The following KCNIP4 variants were observed in gnomAD, a reference collection of about 807,000 sequenced individuals.
The protein encoded by KCNIP4 is potassium voltage-gated channel interacting protein 4.
In KCNIP4, 12 loss-of-function variants were observed where a neutral mutation model predicts 34.0. The observed-to-expected ratio is 0.35, with a 90% CI of 0.23 to 0.57. The LOEUF (loss-of-function observed/expected upper bound fraction) is 0.57. Ranked by LOEUF, KCNIP4 falls within the 20% of genes least tolerant of loss-of-function variation. The pLI is 0.83. For missense variants in KCNIP4, 238 were observed against 311.7 expected (o/e 0.76, Z 1.78); for synonymous variants, 124 against 102.2 (o/e 1.21, Z -1.29).
chr4:21,026,727 T>A (rs1740587473), intron 1 of KCNIP4, among the ~76,000 whole-genome samples: 1 of 152,206 alleles, frequency 6.6e-6, no homozygotes, highest in Admixed American at 6.5e-5. Flanking sequence ...CTTTTTAGAA[T>A]CTGATTGGGA....
intron 1 of KCNIP4, among the ~76,000 whole-genome samples, chr4:21,178,046 CT>C (rs1754554724): frequency 1.3e-5 from 2 of 152,028 alleles, no homozygotes; most frequent in Admixed American, 1.3e-4. Flanking sequence ...TCAAAAACAT[CT>C]TTTTACTATT....
In KCNIP4 at chr4:21,398,808, C is replaced by A. The variant is rs899214154; in HGVS notation, c.62-516099G>T. Reference sequence around the variant, plus strand: ...TCTCTCGTAATCTCCTTCTTGCTATCATTCATAGCGCTAGAGAATTTTAGA... The same window carrying A: ...TCTCTCGTAATCTCCTTCTTGCTATAATTCATAGCGCTAGAGAATTTTAGA... On this transcript the variant is annotated intron_variant, in intron 1 of 8. Transcript: ENST00000382152. 3.3e-5 allele frequency among the ~76,000 whole-genome samples: 5 copies of A among 152,164 alleles called. No individual in the cohort carries two copies. The South Asian group carries it at 1.0e-3, about 32-fold the overall frequency.
intron 1 of KCNIP4, among the ~76,000 whole-genome samples, chr4:21,501,248 T>TCACACA (rs34406802): frequency 7.7e-5 from 8 of 104,188 alleles, no homozygotes; most frequent in Non-Finnish European, 1.5e-4. Context: ...TCTCTCTCTC[T>TCACACA]CACACACACA....
intron 1 of KCNIP4, among the ~76,000 whole-genome samples, chr4:21,346,828 A>C (rs1342996740): frequency 6.6e-6 from 1 of 152,158 alleles, no homozygotes; most frequent in Non-Finnish European, 1.5e-5. Flanking sequence ...TTAAGAGAGC[A>C]ACTGTAGATT....
chr4:21,486,453 G>A (rs900732448), intron 1 of KCNIP4, among the ~76,000 whole-genome samples: 3 of 152,098 alleles, frequency 2.0e-5, no homozygotes, highest in African/African-American at 7.2e-5. Flanking sequence ...TGGTTTTGGT[G>A]TATTATCTAT....
At chr4:21,521,377 C>A (rs1735510519) in intron 1 of KCNIP4, among the ~76,000 whole-genome samples, 1 of 152,126 alleles carries the variant, frequency 6.6e-6, no homozygotes, top group Non-Finnish European at 1.5e-5. Context: ...GAATTCATGA[C>A]ATAAACTTCA....
chr4:21,449,506 A>T (rs1728330059), intron 1 of KCNIP4, among the ~76,000 whole-genome samples: 3 of 152,038 alleles, frequency 2.0e-5, no homozygotes, highest in African/African-American at 7.3e-5. Flanking sequence ...AAACTAATGC[A>T]GTGAGAAGCA....
At chr4:20,787,254 A>T (rs983230854) in intron 3 of KCNIP4, among the ~76,000 whole-genome samples, 4 of 152,134 alleles carry the variant, frequency 2.6e-5, no homozygotes, top group African/African-American at 9.7e-5. Context: ...TACATCTATA[A>T]ATTCCCTTTC....
intron 1 of KCNIP4, among the ~76,000 whole-genome samples, chr4:21,155,195 C>G (rs1204631521): frequency 1.3e-5 from 2 of 152,076 alleles, no homozygotes; most frequent in East Asian, 3.9e-4. Context: ...TTTTGCGTAC[C>G]TCCAGACTTC....
chr4:20,844,092 T>C (rs1314466491), intron 3 of KCNIP4, among the ~76,000 whole-genome samples: 2 of 152,218 alleles, frequency 1.3e-5, no homozygotes, highest in Non-Finnish European at 2.9e-5. Context: ...TGGATATTAA[T>C]ATCCTAAATT....
intron 1 of KCNIP4, among the ~76,000 whole-genome samples, chr4:21,227,206 T>C (rs536402201): frequency 2.6e-5 from 4 of 152,342 alleles, no homozygotes; most frequent in South Asian, 2.1e-4. Context: ...TTGGTAATCA[T>C]CTGTCTTTCT....
rs1221997723 is a variant in KCNIP4, at chr4:21,589,264, A to ATATACATATATGTATC, written c.61+359306_61+359307insGATACATATATGTATA. Among the ~76,000 whole-genome samples the ATATACATATATGTATC allele has an allele frequency of 8.4e-5, 11 of 130,380 alleles. No individual in the cohort carries two copies. The South Asian group carries it at 1.5e-3, about 18-fold the overall frequency. 85.5% of individuals were successfully genotyped at this position (130,380 alleles called of 152,430 possible). On this transcript the variant is annotated intron_variant, in intron 1 of 8. Transcript: ENST00000382152. ...CATATATACATATATGTATCTATACAGATACATATATGTATAGATACATAT... is the reference window on the plus strand; with the variant it reads ...CATATATACATATATGTATCTATACATATACATATATGTATCGATACATATATGTATAGATACATAT...
intron 1 of KCNIP4, among the ~76,000 whole-genome samples, chr4:21,770,796 T>G (rs896779785): frequency 1.3e-4 from 20 of 152,184 alleles, no homozygotes; most frequent in African/African-American, 4.6e-4. Flanking sequence ...TGGGGTTGTT[T>G]TTTTCCTTGT....
At chr4:20,861,213 G>A (rs192323378) in intron 2 of KCNIP4, among the ~76,000 whole-genome samples, 1 of 152,190 alleles carries the variant, frequency 6.6e-6, no homozygotes, top group East Asian at 1.9e-4. Flanking sequence ...TTTAAACTGG[G>A]GCCAGGCCCT....
intron 1 of KCNIP4, among the ~76,000 whole-genome samples, chr4:21,491,128 A>C (rs1233071404): frequency 6.6e-6 from 1 of 152,162 alleles, no homozygotes; most frequent in Non-Finnish European, 1.5e-5. Flanking sequence ...TTGGCCAGCT[A>C]GTGACCAATC....
intron 1 of KCNIP4, among the ~76,000 whole-genome samples, chr4:21,819,067 T>C (rs138193182): frequency 2.6e-5 from 4 of 152,328 alleles, no homozygotes; most frequent in African/African-American, 9.6e-5. Flanking sequence ...CACTCAGATT[T>C]CTAAATTTCT....
chr4:21,388,984 TTG>T (rs1722286066), intron 1 of KCNIP4, among the ~76,000 whole-genome samples: 1 of 59,088 alleles, frequency 1.7e-5, no homozygotes, highest in Admixed American at 1.5e-4. Flanking sequence ...ATATATTGTC[TTG>T]TTTTTTTTTT....
rs189352762 is a variant in KCNIP4, at chr4:21,689,368, C to T, written c.61+259203G>A. 4.1e-3 allele frequency among the ~76,000 whole-genome samples: 623 copies of T among 152,128 alleles called. 2 individuals are homozygous for T. Among genetic ancestry groups the T allele is most frequent in the Middle Eastern group, 0.017 (5 of 294 alleles). ...CAGTAATAGCGACAAATTTGTTAAACGTGTGCCAGCAACAGAAATAATTGT... is the reference window on the plus strand; with the variant it reads ...CAGTAATAGCGACAAATTTGTTAAATGTGTGCCAGCAACAGAAATAATTGT... On this transcript the variant is annotated intron_variant, in intron 1 of 8. Coordinates refer to ENST00000382152, the MANE Select transcript of KCNIP4 (RefSeq NM_025221.6).
chr4:21,710,694 G>A lies in KCNIP4; in HGVS notation c.61+237877C>T, dbSNP rs144444757. Among the ~76,000 whole-genome samples, 1,088 of 152,198 alleles carry A rather than the reference G, an allele frequency of 7.1e-3. 9 individuals are homozygous for A. Among genetic ancestry groups the A allele is most frequent in the African/African-American group, 0.024 (978 of 41,520 alleles). On this transcript the variant is annotated intron_variant, in intron 1 of 8. Transcript: ENST00000382152. ...TCAGGCTTGTGTCTGGCTCTCTCAAGGACTAAAGTTGGGCAAGCTGCTTCA... is the reference window on the plus strand; with the variant it reads ...TCAGGCTTGTGTCTGGCTCTCTCAAAGACTAAAGTTGGGCAAGCTGCTTCA...
Sources: allele counts gnomAD v4.1 joint callset (sites outside exome capture counted in the v4.1 genomes callset), GRCh38; gene constraint gnomAD v4.1.1; transcripts MANE v1.5; gene names NCBI Gene and HGNC (gene_info 2026-07-23, HGNC 2026-07-21).